NCOA6: variants seen among roughly 807,000 people sequenced by gnomAD.
The protein encoded by NCOA6 is nuclear receptor coactivator 6, also known as NRC RAP250.
Under a neutral mutation model 171.4 loss-of-function variants are expected in NCOA6, and 49 were observed. The observed-to-expected ratio is 0.29, with a 90% CI of 0.23 to 0.36. The LOEUF (loss-of-function observed/expected upper bound fraction) is 0.36. Ranked by LOEUF, NCOA6 falls within the 10% of genes least tolerant of loss-of-function variation. The pLI is 1.00. For missense variants in NCOA6, 2,248 were observed against 2,554.5 expected, an observed-to-expected ratio of 0.88 and a Z score of 2.59; for synonymous variants, 910 against 927.5, an observed-to-expected ratio of 0.98 and a Z score of 0.34.
rs145881551 is a variant in NCOA6 at position 34,750,656 on chromosome 20, A to G, written c.1676-137T>C. 32 of 966,780 alleles carry G rather than the reference A, an allele frequency of 3.3e-5. No individual in the cohort carries two copies. The African/African-American group carries it at 4.0e-4, about 12-fold the overall frequency. The allele number at this position is 966,780 out of a possible 1,614,324, so 59.9% of individuals were successfully genotyped here. A position where few individuals can be genotyped will look rare whatever the true frequency, so the allele number is the denominator to read the frequency against. On this transcript the variant is annotated intron_variant, in intron 8 of 14. Transcript: ENST00000359003. ...ACCAACATAAATATGCTGTTGACAT[A>G]CTTCCTGTGAGTTTTCTAAACTACA...
intron 14 of NCOA6, among the ~76,000 whole-genome samples, chr20:34,719,910 C>G (rs1989114405): frequency 1.3e-5 from 2 of 152,160 alleles, no homozygotes; most frequent in African/African-American, 4.8e-5. Context: ...TACAGTAATA[C>G]TTCTGTTTTA....
chr20:34,776,655 C>T (rs1364493716), intron 3 of NCOA6: 1 of 675,882 alleles, frequency 1.5e-6, no homozygotes, highest in Non-Finnish European at 2.6e-6. Context: ...GCTATTTAAC[C>T]TTTCTGAAAC....
At chr20:34,808,053 G>C (rs1412297712) in intron 1 of NCOA6, among the ~76,000 whole-genome samples, 3 of 151,778 alleles carry the variant, frequency 2.0e-5, no homozygotes, top group Non-Finnish European at 4.4e-5. Flanking sequence ...AGGAGGCTGA[G>C]GCACGAGAAT....
chr20:34,739,691 C>T (rs1473470952), intron 11 of NCOA6, among the ~76,000 whole-genome samples: 1 of 152,186 alleles, frequency 6.6e-6, no homozygotes, highest in African/African-American at 2.4e-5. Flanking sequence ...AAACACTGAA[C>T]GTCTTTGAGC....
In NCOA6 at chr20:34,732,654, G is replaced by C. The variant is rs547414313; in HGVS notation, c.5963-59C>G. On this transcript the variant is annotated intron_variant, in intron 12 of 14. Transcript: ENST00000359003. ...TGGGAGCTGCCACAGAGAGAAGCTAGGAGTCTACAAGAATTCTCTATGCCC... is the reference window on the plus strand; with the variant it reads ...TGGGAGCTGCCACAGAGAGAAGCTACGAGTCTACAAGAATTCTCTATGCCC... The C allele has an allele frequency of 8.3e-5, 123 of 1,481,000 alleles. 2 individuals are homozygous for C. In the South Asian group the frequency reaches 1.4e-3, roughly 16 times the overall value. 91.7% of individuals were successfully genotyped at this position (1,481,000 alleles called of 1,614,324 possible). A position where few individuals can be genotyped will look rare whatever the true frequency, so the allele number is the denominator to read the frequency against.
At chr20:34,747,883 T>C (rs920686214) in intron 9 of NCOA6, among the ~76,000 whole-genome samples, 2 of 152,116 alleles carry the variant, frequency 1.3e-5, no homozygotes, top group South Asian at 2.1e-4. Flanking sequence ...TTTCAGAAAA[T>C]TGTAGAGATA....
intron 10 of NCOA6, 60 bp from the exon 11 acceptor site, chr20:34,743,401 T>C (rs915324938): frequency 5.9e-6 from 9 of 1,519,926 alleles, no homozygotes; most frequent in African/African-American, 1.4e-5. Flanking sequence ...TGTTGCTACC[T>C]TTAGAGTATA....
At position 34,742,121 on chromosome 20, in the gene NCOA6, T is replaced by A. The variant is rs1372639572; in HGVS notation, c.4135A>T (p.Thr1379Ser). The A allele has an allele frequency of 6.2e-7, 1 of 1,613,888 alleles. No homozygotes were observed. The highest frequency in any genetic ancestry group is 8.5e-7 in the Non-Finnish European group (1 of 1,179,984). Residue 1379 changes from threonine to serine, a missense_variant, in exon 11 of 15, where the codon ACT (threonine) becomes TCT (serine). By Grantham distance (58) the Thr-to-Ser change is moderately conservative. Transcript: ENST00000359003. ...ELPRNVLVSP[T>S]PLANPPVPGS... The stretch of plus-strand genomic sequence containing the variant: ...GGTACAGGGGGATTGGCCAGAGGAG[T>A]GGGACTGACCAATACATTTCTCGGC...
At chr20:34,716,152 A>AAGG (rs1442023371) in intron 14 of NCOA6, among the ~76,000 whole-genome samples, 11 of 147,510 alleles carry the variant, frequency 7.5e-5, no homozygotes, top group African/African-American at 2.8e-4. Context: ...TACGGAGGTG[A>AAGG]AGGTTCCAGT....
rs112594088 is a variant in NCOA6 at position 34,811,205 on chromosome 20, A to G, written c.-164+14267T>C. On this transcript the variant is annotated intron_variant, in intron 1 of 14. Transcript: ENST00000359003. Reference sequence around the variant, plus strand: ...TAACAACAACAACAACAACGTGTATATATATATATATATATATATATATAT... The same window carrying G: ...TAACAACAACAACAACAACGTGTATGTATATATATATATATATATATATAT... Among the ~76,000 whole-genome samples, 351 of 86,922 alleles carry G rather than the reference A, an allele frequency of 4.0e-3. 11 individuals carry two copies. The highest frequency in any genetic ancestry group is 6.7e-3 in the South Asian group (12 of 1,798). The allele number at this position is 86,922 out of a possible 152,430, so 57.0% of individuals were successfully genotyped here.
intron 5 of NCOA6, among the ~76,000 whole-genome samples, chr20:34,765,439 CAA>C (rs34605174): frequency 4.3e-3 from 463 of 106,450 alleles, no homozygotes; most frequent in African/African-American, 0.011. Context: ...GAGTCCGTCT[CAA>C]AAAAAAAAAA....
chr20:34,721,005 A>G (rs6060013), intron 14 of NCOA6, among the ~76,000 whole-genome samples: 68,018 of 151,904 alleles, frequency 0.45, 15,627 homozygotes, highest in Admixed American at 0.6. Context: ...ACTACAATAT[A>G]TATTTTTTGG....
intron 12 of NCOA6, 158 bp from the exon 13 acceptor site, chr20:34,732,753 T>C (rs1397928965): frequency 7.0e-6 from 4 of 568,184 alleles, no homozygotes; most frequent in East Asian, 3.0e-5. Context: ...CTGGCACAGA[T>C]ACAACTTGGT....
At position 34,778,468 on chromosome 20, in the gene NCOA6, G is replaced by A. The variant is rs377483289; in HGVS notation, c.236-2020C>T. Among the ~76,000 whole-genome samples the A allele has an allele frequency of 1.2e-4, 18 of 147,900 alleles. No homozygotes were observed. The East Asian group carries it at 1.7e-3, about 14-fold the overall frequency. On this transcript the variant is annotated intron_variant, in intron 3 of 14. Transcript: ENST00000359003. The stretch of plus-strand genomic sequence containing the variant: ...TTTTGAGACGGAGTCTCAATCTGTC[G>A]CCAGGCTGGAGTGCAGTGGCGCAAT...
Position 34,810,391 on chromosome 20 carries a change from T to C in NCOA6, c.-164+15081A>G, listed in dbSNP as rs184685936. ...AACATTACTTTCCTACTTAAGACTA[T>C]GAAAAAAATAAGTATTACAAGTGAG... On this transcript the variant is annotated intron_variant, in intron 1 of 14. Transcript: ENST00000359003. 1.3e-3 allele frequency among the ~76,000 whole-genome samples: 204 copies of C among 152,216 alleles called. 3 individuals are homozygous for C. The highest frequency in any genetic ancestry group is 4.7e-3 in the African/African-American group (197 of 41,530).
chr20:34,812,899 A>G (rs2078714947), intron 1 of NCOA6, among the ~76,000 whole-genome samples: 1 of 152,100 alleles, frequency 6.6e-6, no homozygotes, highest in African/African-American at 2.4e-5. Context: ...TCATGCCTAT[A>G]ATCCCAGCAC....
chr20:34,721,634 A>T (rs1485331210), intron 14 of NCOA6, among the ~76,000 whole-genome samples: 2 of 152,132 alleles, frequency 1.3e-5, no homozygotes, highest in African/African-American at 4.8e-5. Context: ...GTCACCTCTG[A>T]TTTGACAGGA....
rs1327468345 is a variant in NCOA6 at position 34,742,218 on chromosome 20, C to T, written c.4038G>A (p.Arg1346=). The change falls in exon 11 of 15, where the codon AGG becomes AGA. Residue 1346 remains arginine (R), a synonymous_variant. Transcript: ENST00000359003. ...SSRKTTPSPG[R]QNSKAPKLTL... The stretch of plus-strand genomic sequence containing the variant: ...TAAGTTTAGGGGCTTTTGAATTTTG[C>T]CTCCCAGGGCTTGGAGTGGTTTTCC... 6.2e-7 allele frequency: 1 copy of T among 1,614,064 alleles called. No homozygotes were observed. The highest frequency in any genetic ancestry group is 8.5e-7 in the Non-Finnish European group (1 of 1,180,032).
intron 1 of NCOA6, chr20:34,809,577 C>A (rs1268020979): frequency 1.5e-5 from 6 of 397,896 alleles, no homozygotes; most frequent in African/African-American, 1.2e-4. Flanking sequence ...GAAGAAAAGA[C>A]TACATATAAA....
Sources: gnomAD v4.1 joint callset for allele counts (sites outside exome capture counted in the v4.1 genomes callset) on GRCh38, gnomAD v4.1.1 for gene constraint, MANE v1.5 for transcripts, NCBI Gene and HGNC (gene_info 2026-07-23, HGNC 2026-07-21) for gene names.